Variants in ERBB4 observed in about 807,000 individuals in gnomAD.
The protein encoded by ERBB4 is receptor tyrosine-protein kinase erbB-4.
In ERBB4, 42 loss-of-function variants were observed where a neutral mutation model predicts 158.0. The ratio of observed to expected loss-of-function variants is 0.27; its 90% CI spans 0.21 to 0.34. ERBB4 has a LOEUF of 0.34. ERBB4 is among the 10% of genes least tolerant of loss of function. The pLI is 1.00. For synonymous variants in ERBB4, 583 were observed against 558.7 expected (o/e 1.04, Z -0.61); for missense variants, 1,333 against 1,624.1 (o/e 0.82, Z 3.08).
At chr2:212,214,869 C>T (rs1375018596) in intron 1 of ERBB4, among the ~76,000 whole-genome samples, 1 of 151,488 alleles carries the variant, frequency 6.6e-6, no homozygotes, top group Non-Finnish European at 1.5e-5. Context: ...TTATTAATGG[C>T]AGAAGTGTAA....
rs2076501431 is a variant in ERBB4 at position 211,801,696 on chromosome 2, A to T, written c.422-13537T>A. ...CAGATATAAAGTAAAATAAGAGAAAATATTTTTAGAAGTTTCATGAAACTA... is the reference window on the plus strand; with the variant it reads ...CAGATATAAAGTAAAATAAGAGAAATTATTTTTAGAAGTTTCATGAAACTA... On this transcript the variant is annotated intron_variant, in intron 3 of 27. Transcript: ENST00000342788. 2.0e-5 allele frequency among the ~76,000 whole-genome samples: 3 copies of T among 152,196 alleles called. No individual in the cohort carries two copies. The South Asian group carries it at 6.2e-4, about 32-fold the overall frequency.
At chr2:212,429,478 AGGC>A (rs1045167825) in intron 1 of ERBB4, among the ~76,000 whole-genome samples, 1 of 152,198 alleles carries the variant, frequency 6.6e-6, no homozygotes, top group Non-Finnish European at 1.5e-5. Context: ...TCAAAGGAGG[AGGC>A]TGTCATAAAC....
chr2:212,241,629 T>C (rs944454315), intron 1 of ERBB4, among the ~76,000 whole-genome samples: 1 of 152,180 alleles, frequency 6.6e-6, no homozygotes, highest in African/African-American at 2.4e-5. Flanking sequence ...TGTGCAATAT[T>C]TTTCCTTGGT....
chr2:212,345,139 G>C (rs1490210291), intron 1 of ERBB4, among the ~76,000 whole-genome samples: 1 of 151,526 alleles, frequency 6.6e-6, no homozygotes, highest in Non-Finnish European at 1.5e-5. Context: ...GATGGCGGGC[G>C]CCTGTAATCC....
At position 211,599,511 on chromosome 2, in the gene ERBB4, T is replaced by TTGTGTGTGTGTGTG. The variant is rs201810389; in HGVS notation, c.2301+19665_2301+19666insCACACACACACACA. Among the ~76,000 whole-genome samples the TTGTGTGTGTGTGTG allele has an allele frequency of 2.4e-3, 50 of 20,840 alleles. 1 individual carries two copies. Among genetic ancestry groups the TTGTGTGTGTGTGTG allele is most frequent in the African/African-American group, 3.1e-3 (50 of 15,934 alleles). 13.7% of individuals were successfully genotyped at this position (20,840 alleles called of 152,430 possible). A position where few individuals can be genotyped will look rare whatever the true frequency, so the allele number is the denominator to read the frequency against. ...TAACAGGCTCACAGAAAATAATTTC[T>TTGTGTGTGTGTGTG]TCTGTGTGTGTGTGTGTGTGTGTGT... On this transcript the variant is annotated intron_variant, in intron 19 of 27. Transcript: ENST00000342788.
chr2:212,121,354 A>G (rs1452179860), intron 2 of ERBB4, among the ~76,000 whole-genome samples: 1 of 152,100 alleles, frequency 6.6e-6, no homozygotes, highest in African/African-American at 2.4e-5. Flanking sequence ...TCCCAAGTAC[A>G]GATGCCTGCA....
chr2:212,215,031 C>T (rs1249611915), intron 1 of ERBB4, among the ~76,000 whole-genome samples: 1 of 151,458 alleles, frequency 6.6e-6, no homozygotes, highest in Non-Finnish European at 1.5e-5. Context: ...AAGTCCAAAA[C>T]AGGCAAAGTT....
Position 211,718,137 on chromosome 2 carries a change from C to G in ERBB4, c.883+4256G>C, listed in dbSNP as rs551088761. Among the ~76,000 whole-genome samples the G allele has an allele frequency of 3.6e-4, 55 of 152,208 alleles. 1 individual carries two copies. The South Asian group carries it at 0.011, about 32-fold the overall frequency. On this transcript the variant is annotated intron_variant, in intron 7 of 27. Transcript: ENST00000342788. Reference sequence around the variant, plus strand: ...ATGTTGGCCAGGCTGGTCTCAAACTCCTGACCTCACGTGATCTGTCCACCT... The same window carrying G: ...ATGTTGGCCAGGCTGGTCTCAAACTGCTGACCTCACGTGATCTGTCCACCT...
chr2:211,842,998 T>C (rs2077508774), intron 3 of ERBB4, among the ~76,000 whole-genome samples: 2 of 152,140 alleles, frequency 1.3e-5, no homozygotes, highest in Admixed American at 1.3e-4. Flanking sequence ...GTTAAAATCA[T>C]TCAATGGAAT....
At chr2:212,446,626 T>TATATATATATATAC (rs2092362310) in intron 1 of ERBB4, among the ~76,000 whole-genome samples, 2 of 84,322 alleles carry the variant, frequency 2.4e-5, no homozygotes, top group Non-Finnish European at 5.0e-5. Context: ...TATATATATA[T>TATATATATATATAC]ATATATATAT....
chr2:212,265,474 T>C (rs569378297), intron 1 of ERBB4, among the ~76,000 whole-genome samples: 4 of 152,192 alleles, frequency 2.6e-5, no homozygotes, highest in Admixed American at 1.3e-4. Flanking sequence ...ATAGCTCCTA[T>C]CCTAAGAACT....
chr2:211,998,699 G>A (rs1001433114), intron 2 of ERBB4, among the ~76,000 whole-genome samples: 3 of 151,802 alleles, frequency 2.0e-5, no homozygotes, highest in African/African-American at 7.2e-5. Context: ...AATGTCAATG[G>A]CCAACCTCAT....
At chr2:212,510,195 T>G in intron 1 of ERBB4, among the ~76,000 whole-genome samples, 1 of 120,480 alleles carries the variant, frequency 8.3e-6, no homozygotes, top group South Asian at 2.8e-4. Flanking sequence ...CCTTCCATCC[T>G]AACCACACAG....
At chr2:212,054,243 T>C (rs145908165) in intron 2 of ERBB4, among the ~76,000 whole-genome samples, 1 of 152,116 alleles carries the variant, frequency 6.6e-6, no homozygotes, top group African/African-American at 2.4e-5. Flanking sequence ...CCTAAGAAAT[T>C]TGGAGAGTAA....
At chr2:212,537,617 T>C (rs1192772268) in intron 1 of ERBB4, among the ~76,000 whole-genome samples, 2 of 152,080 alleles carry the variant, frequency 1.3e-5, no homozygotes, top group Non-Finnish European at 1.5e-5. Context: ...CTCGGCAGCC[T>C]GGCCGGGCAG....
intron 20 of ERBB4, among the ~76,000 whole-genome samples, chr2:211,478,847 G>GA (rs1276408541): frequency 6.6e-6 from 1 of 151,816 alleles, no homozygotes; most frequent in Non-Finnish European, 1.5e-5. Flanking sequence ...CCAATTCCAG[G>GA]AAAAAAACAT....
At chr2:211,888,022 C>T (rs2078849377) in intron 3 of ERBB4, among the ~76,000 whole-genome samples, 1 of 152,142 alleles carries the variant, frequency 6.6e-6, no homozygotes, top group Admixed American at 6.5e-5. Flanking sequence ...TAAATAAATT[C>T]CATTCCTAAT....
At position 212,423,111 on chromosome 2, in the gene ERBB4, A is replaced by C. The variant is rs921720220; in HGVS notation, c.82+115338T>G. Among the ~76,000 whole-genome samples the C allele has an allele frequency of 5.3e-4, 80 of 152,198 alleles. 1 individual carries two copies. The highest frequency in any genetic ancestry group is 1.8e-3 in the African/African-American group (73 of 41,460). On this transcript the variant is annotated intron_variant, in intron 1 of 27. Coordinates refer to ENST00000342788, the MANE Select transcript of ERBB4 (RefSeq NM_005235.3). ...ATCTGTGTAAATAAATACTCTGAGT[A>C]AAGCTAGTAACATAACCATATCTAT... is the stretch of plus-strand genomic sequence containing the variant.
chr2:211,668,149 T>C (rs73080754), intron 14 of ERBB4, among the ~76,000 whole-genome samples: 1,538 of 152,270 alleles, frequency 0.01, 26 homozygotes, highest in African/African-American at 0.035. Context: ...TCTAAACATA[T>C]CTAAATGTAG....
Sources: gnomAD v4.1 joint callset for allele counts (sites outside exome capture counted in the v4.1 genomes callset) on GRCh38, gnomAD v4.1.1 for gene constraint, MANE v1.5 for transcripts, NCBI Gene and HGNC (gene_info 2026-07-23, HGNC 2026-07-21) for gene names.